The following SPIN1 variants were observed in gnomAD, a reference collection of about 807,000 sequenced individuals.
SPIN1 encodes spindlin 1.
Under a neutral mutation model 26.0 loss-of-function variants are expected in SPIN1, and 3 were observed. The observed-to-expected ratio is 0.12, with a 90% CI of 0.05 to 0.30. The LOEUF is 0.30. Among genes scored for constraint, SPIN1 ranks in the 10% least tolerant of loss-of-function variants. SPIN1 has a pLI of 1.00. For missense variants in SPIN1, 126 were observed against 333.4 expected (o/e 0.38, Z 4.84); for synonymous variants, 101 against 116.5 (o/e 0.87, Z 0.86).
chr9:88,402,069 G>C (rs1377190192), intron 1 of SPIN1, among the ~76,000 whole-genome samples: 1 of 152,092 alleles, frequency 6.6e-6, no homozygotes, highest in Non-Finnish European at 1.5e-5. Context: ...TGGCTTGCTG[G>C]AACCTCTTGC....
chr9:88,398,112 A>G (rs969604758), intron 1 of SPIN1, among the ~76,000 whole-genome samples: 8 of 151,796 alleles, frequency 5.3e-5, no homozygotes, highest in Non-Finnish European at 8.8e-5. Flanking sequence ...TTTTTAGTAG[A>G]GACGGGATTT....
intron 5 of SPIN1, among the ~76,000 whole-genome samples, chr9:88,472,548 A>G (rs1450807521): frequency 2.0e-5 from 3 of 151,720 alleles, no homozygotes; most frequent in Non-Finnish European, 4.4e-5. Flanking sequence ...GCTGGTGAGC[A>G]GTGGCACGAT....
intron 1 of SPIN1, among the ~76,000 whole-genome samples, chr9:88,394,910 C>T (rs985652936): frequency 6.6e-5 from 10 of 150,470 alleles, no homozygotes; most frequent in African/African-American, 2.4e-5. Context: ...CCCGGGTTCA[C>T]GCCATTCTCC....
intron 3 of SPIN1, among the ~76,000 whole-genome samples, chr9:88,461,327 G>A (rs1587813189): frequency 6.6e-6 from 1 of 152,194 alleles, no homozygotes; most frequent in South Asian, 2.1e-4. Context: ...ACTTAACCCT[G>A]TGAATCTCCT....
At chr9:88,415,383 A>T (rs1260316789) in intron 1 of SPIN1, among the ~76,000 whole-genome samples, 1 of 152,132 alleles carries the variant, frequency 6.6e-6, no homozygotes, top group Non-Finnish European at 1.5e-5. Flanking sequence ...GGCAGAACCT[A>T]CACCAGAGGC....
At chr9:88,438,574 T>G (rs1409873695) in intron 2 of SPIN1, among the ~76,000 whole-genome samples, 1 of 152,168 alleles carries the variant, frequency 6.6e-6, no homozygotes, top group African/African-American at 2.4e-5. Flanking sequence ...ATATATAGAT[T>G]AGATTTGATC....
intron 1 of SPIN1, among the ~76,000 whole-genome samples, chr9:88,396,691 G>A (rs1827067556): frequency 6.6e-6 from 1 of 152,074 alleles, no homozygotes; most frequent in Non-Finnish European, 1.5e-5. Context: ...CATATAGTTG[G>A]TGTACATATA....
chr9:88,445,164 G>C (rs907739810), intron 2 of SPIN1, among the ~76,000 whole-genome samples: 2 of 152,176 alleles, frequency 1.3e-5, no homozygotes, highest in African/African-American at 4.8e-5. Context: ...TTCTTGACAA[G>C]GGTGCAATTC....
intron 1 of SPIN1, among the ~76,000 whole-genome samples, chr9:88,422,193 C>T (rs776619454): frequency 2.0e-5 from 3 of 152,166 alleles, no homozygotes; most frequent in African/African-American, 7.2e-5. Context: ...TGATGGGTCT[C>T]TCTGAATGCA....
chr9:88,433,897 TTTTG>T, intron 2 of SPIN1, among the ~76,000 whole-genome samples: 1 of 152,074 alleles, frequency 6.6e-6, no homozygotes, highest in South Asian at 2.1e-4. Flanking sequence ...AAAACCAGTT[TTTTG>T]TTTTTTTTTT....
intron 2 of SPIN1, among the ~76,000 whole-genome samples, chr9:88,439,951 T>A (rs1309972916): frequency 6.6e-6 from 1 of 152,176 alleles, no homozygotes; most frequent in African/African-American, 2.4e-5. Context: ...AATTGGTATA[T>A]TTAGATCAGT....
At chr9:88,430,468 A>G (rs916074056) in intron 2 of SPIN1, among the ~76,000 whole-genome samples, 2 of 152,126 alleles carry the variant, frequency 1.3e-5, no homozygotes, top group African/African-American at 4.8e-5. Context: ...CCAGGGAGGG[A>G]GCATAGACAC....
At chr9:88,472,022 C>T (rs1355902271) in intron 5 of SPIN1, among the ~76,000 whole-genome samples, 2 of 152,110 alleles carry the variant, frequency 1.3e-5, no homozygotes, top group African/African-American at 4.8e-5. Flanking sequence ...TGGTCTCAAA[C>T]TCCTGGGGTG....
At chr9:88,410,243 AT>A (rs2117955453) in intron 1 of SPIN1, among the ~76,000 whole-genome samples, 1 of 150,910 alleles carries the variant, frequency 6.6e-6, no homozygotes, top group African/African-American at 2.4e-5. Flanking sequence ...AGACTATTAC[AT>A]TTAGCAATCA....
chr9:88,415,328 A>G (rs1827538224), intron 1 of SPIN1, among the ~76,000 whole-genome samples: 2 of 152,336 alleles, frequency 1.3e-5, no homozygotes, highest in South Asian at 2.1e-4. Context: ...GCAATGCTTT[A>G]TAAGGATTGA....
At chr9:88,396,470 C>T (rs1029711394) in intron 1 of SPIN1, among the ~76,000 whole-genome samples, 13 of 151,386 alleles carry the variant, frequency 8.6e-5, no homozygotes, top group Admixed American at 5.3e-4. Context: ...GGTGTGGTGG[C>T]GCATGCCTGT....
rs1176190923 is a variant in SPIN1, at chr9:88,475,223, C to T, written c.735C>T (p.Ile245=). The change falls in exon 6 of 6, where the codon ATC becomes ATT. Residue 245 remains isoleucine (I), a synonymous_variant. Transcript: ENST00000375859. Reference sequence around the variant, plus strand: ...AAGCCAAGCCCTCCGTCTATTTCATCAAGTTTGATGATGATTTCCATATTT... The same window carrying T: ...AAGCCAAGCCCTCCGTCTATTTCATTAAGTTTGATGATGATTTCCATATTT... ...QVEAKPSVYF[I]KFDDDFHIYV... is the part of the protein sequence containing the mutation. 2 of 1,613,930 alleles carry T rather than the reference C, an allele frequency of 1.2e-6. No homozygotes were observed. Among genetic ancestry groups the T allele is most frequent in the Admixed American group, 1.7e-5 (1 of 59,980 alleles).
intron 1 of SPIN1, among the ~76,000 whole-genome samples, chr9:88,415,364 T>G (rs1827538876): frequency 6.6e-6 from 1 of 152,168 alleles, no homozygotes; most frequent in East Asian, 1.9e-4. Context: ...CTTTGAAGTT[T>G]TAGCTAAAGG....
intron 1 of SPIN1, among the ~76,000 whole-genome samples, chr9:88,410,162 AGTGTGTGT>A (rs138037814): frequency 5.4e-4 from 72 of 132,994 alleles, no homozygotes; most frequent in Non-Finnish European, 6.3e-4. Context: ...GCATATATTT[AGTGTGTGT>A]GTGTGTGTGT....
Sources: gnomAD v4.1 joint callset for allele counts (sites outside exome capture counted in the v4.1 genomes callset) on GRCh38, gnomAD v4.1.1 for gene constraint, MANE v1.5 for transcripts, NCBI Gene and HGNC (gene_info 2026-07-23, HGNC 2026-07-21) for gene names.